ERI3: variants seen among roughly 807,000 people sequenced by gnomAD.
The protein encoded by ERI3 is ERI1 exoribonuclease family member 3, also known as ERI1 exoribonuclease 3.
ERI3 carries 18 observed loss-of-function variants against 44.4 expected under a neutral mutation model. The observed-to-expected ratio is 0.41, with a 90% CI of 0.28 to 0.60. The LOEUF (loss-of-function observed/expected upper bound fraction) is 0.60, where lower values mean the gene tolerates loss of function less well. Ranked by LOEUF, ERI3 falls within the 20% of genes least tolerant of loss-of-function variation. ERI3 has a pLI of 0.36. For missense variants in ERI3, 294 were observed against 435.5 expected (o/e 0.68, Z 2.89); for synonymous variants, 183 against 164.8 (o/e 1.11, Z -0.84).
intron 4 of ERI3, 34 bp from the exon 5 acceptor site, chr1:44,313,262 A>G: frequency 6.2e-7 from 1 of 1,607,552 alleles, no homozygotes. Flanking sequence ...ATGGGTAGAA[A>G]ACCAGGGTGA....
intron 6 of ERI3, among the ~76,000 whole-genome samples, chr1:44,291,070 C>T (rs1214543789): frequency 6.6e-6 from 1 of 152,192 alleles, no homozygotes; most frequent in Admixed American, 6.5e-5. Context: ...CAGAGGCAGA[C>T]ACAATGTGTC....
chr1:44,278,088 C>T (rs1013996590), intron 7 of ERI3, among the ~76,000 whole-genome samples: 2 of 152,052 alleles, frequency 1.3e-5, no homozygotes, highest in Non-Finnish European at 2.9e-5. Flanking sequence ...CAGAAAATTA[C>T]GAGACATTTT....
chr1:44,327,795 A>ATG (rs1410197394), intron 3 of ERI3, among the ~76,000 whole-genome samples: 2 of 152,254 alleles, frequency 1.3e-5, no homozygotes, highest in African/African-American at 2.4e-5. Context: ...GAGGAAAGGC[A>ATG]TGTGTCTTGC....
intron 1 of ERI3, chr1:44,354,095 A>G (rs1181814419): frequency 1.3e-5 from 13 of 985,372 alleles, no homozygotes; most frequent in Non-Finnish European, 1.6e-5. Context: ...AATTTGATGA[A>G]GCCAATTTCT....
At chr1:44,272,625 C>A (rs149530589) in intron 7 of ERI3, among the ~76,000 whole-genome samples, 1,850 of 151,922 alleles carry the variant, frequency 0.012, 72 homozygotes, top group East Asian at 0.069. Context: ...GTGGATCACT[C>A]GAGGCCAGGA....
chr1:44,251,534 T>C (rs184564854), intron 7 of ERI3, among the ~76,000 whole-genome samples: 2 of 152,256 alleles, frequency 1.3e-5, no homozygotes, highest in Non-Finnish European at 2.9e-5. Context: ...GCTGAGCCCT[T>C]TGGATTGCCT....
chr1:44,340,466 G>A (rs952438974), intron 2 of ERI3, among the ~76,000 whole-genome samples: 14 of 152,296 alleles, frequency 9.2e-5, no homozygotes, highest in African/African-American at 2.9e-4. Flanking sequence ...TCTGATGGCT[G>A]CAAGTGGGCA....
At chr1:44,297,907 A>C (rs1454295536) in intron 6 of ERI3, among the ~76,000 whole-genome samples, 2 of 152,240 alleles carry the variant, frequency 1.3e-5, no homozygotes, top group Non-Finnish European at 2.9e-5. Flanking sequence ...GCCAAGCAGC[A>C]GCAACAGCAG....
At chr1:44,248,704 T>TGTGTGTGC (rs1644607211) in intron 7 of ERI3, among the ~76,000 whole-genome samples, 1 of 142,844 alleles carries the variant, frequency 7.0e-6, no homozygotes, top group Admixed American at 6.9e-5. Context: ...TGAGAGAGAG[T>TGTGTGTGC]GTGTGTGTGT....
chr1:44,263,463 G>A (rs764580642), intron 7 of ERI3, among the ~76,000 whole-genome samples: 11 of 152,204 alleles, frequency 7.2e-5, no homozygotes, highest in Non-Finnish European at 7.3e-5. Flanking sequence ...TGGATCTCTG[G>A]TCCTTCTTCC....
intron 7 of ERI3, 53 bp from the exon 8 acceptor site, chr1:44,248,091 C>G: frequency 7.5e-7 from 1 of 1,325,166 alleles, no homozygotes; most frequent in Non-Finnish European, 1.1e-6. Flanking sequence ...CTGAACCAAC[C>G]CCACTCACAA....
At chr1:44,325,115 C>CA (rs1421531066) in intron 3 of ERI3, among the ~76,000 whole-genome samples, 1 of 140,488 alleles carries the variant, frequency 7.1e-6, no homozygotes, top group Admixed American at 7.3e-5. Context: ...CTCACTCTGT[C>CA]ACTCAGGCTG....
chr1:44,258,264 A>T (rs1644819240), intron 7 of ERI3, among the ~76,000 whole-genome samples: 2 of 152,236 alleles, frequency 1.3e-5, no homozygotes, highest in Non-Finnish European at 2.9e-5. Context: ...AGCAGTCAGC[A>T]CTTAGGCAAA....
intron 7 of ERI3, 44 bp downstream of exon 7, chr1:44,284,791 A>C (rs1200726374): frequency 2.0e-6 from 3 of 1,476,870 alleles, no homozygotes; most frequent in Non-Finnish European, 2.8e-6. Flanking sequence ...TCTGAGGCAC[A>C]AGAGCACCAG....
At chr1:44,233,230 G>C (rs1385353673) in intron 8 of ERI3, among the ~76,000 whole-genome samples, 1 of 151,984 alleles carries the variant, frequency 6.6e-6, no homozygotes, top group Non-Finnish European at 1.5e-5. Context: ...ACAATTTCAA[G>C]TTTCTCTACT....
At chr1:44,240,717 A>C (rs1644415300) in intron 8 of ERI3, among the ~76,000 whole-genome samples, 1 of 152,206 alleles carries the variant, frequency 6.6e-6, no homozygotes, top group African/African-American at 2.4e-5. Flanking sequence ...GGTGTGATTC[A>C]GACCAGACCA....
chr1:44,238,343 T>C (rs1572081492), intron 8 of ERI3, among the ~76,000 whole-genome samples: 1 of 151,820 alleles, frequency 6.6e-6, no homozygotes, highest in African/African-American at 2.4e-5. Flanking sequence ...GCAGCTCCGG[T>C]TTATCGCAGG....
Position 44,323,409 on chromosome 1 carries a change from T to G in ERI3, c.490-3665A>C, listed in dbSNP as rs1319391691. ...ACAAAAGTGTAGTTTCACATACATTTTCTTATTTTACCCTCCTTAATCCTG... is the reference window on the plus strand; with the variant it reads ...ACAAAAGTGTAGTTTCACATACATTGTCTTATTTTACCCTCCTTAATCCTG... On this transcript the variant is annotated intron_variant, in intron 3 of 8. Coordinates refer to ENST00000372257, the MANE Select transcript of ERI3 (RefSeq NM_024066.3). Among the ~76,000 whole-genome samples, 3 of 152,360 alleles carry G rather than the reference T, an allele frequency of 2.0e-5. No individual in the cohort carries two copies. The East Asian group carries it at 5.8e-4, about 29-fold the overall frequency.
rs1003533881 is a variant in ERI3 at position 44,248,696 on chromosome 1, A to T, written c.832-658T>A. 1.9e-3 allele frequency among the ~76,000 whole-genome samples: 218 copies of T among 117,184 alleles called. 1 individual carries two copies. The highest frequency in any genetic ancestry group is 8.1e-3 in the African/African-American group (207 of 25,554). 76.9% of individuals were successfully genotyped at this position (117,184 alleles called of 152,430 possible). ...GCGTGTGTGTGTATGTATGTGTGTGAGAGAGAGTGTGTGTGTGTGTGTGTG... is the reference window on the plus strand; with the variant it reads ...GCGTGTGTGTGTATGTATGTGTGTGTGAGAGAGTGTGTGTGTGTGTGTGTG... On this transcript the variant is annotated intron_variant, in intron 7 of 8. Transcript: ENST00000372257.
Sources: allele counts gnomAD v4.1 joint callset (sites outside exome capture counted in the v4.1 genomes callset), GRCh38; gene constraint gnomAD v4.1.1; transcripts MANE v1.5; gene names NCBI Gene and HGNC (gene_info 2026-07-23, HGNC 2026-07-21).